The following NEBL variants were observed in gnomAD, a reference collection of about 807,000 sequenced individuals.
NEBL encodes the protein LIM and SH3 protein 2.
Under a neutral mutation model 140.2 loss-of-function variants are expected in NEBL, and 122 were observed. That is an observed-to-expected ratio of 0.87 (90% CI 0.75 to 1.01). NEBL has a LOEUF of 1.01. Ranked by LOEUF, NEBL falls within the 50% of genes least tolerant of loss-of-function variation. The pLI, the probability that NEBL is intolerant of heterozygous loss-of-function variation, is 0.00. For synonymous variants in NEBL, 436 were observed against 398.9 expected (o/e 1.09, Z -1.11); for missense variants, 1,365 against 1,231.3 (o/e 1.11, Z -1.62).
chr10:21,069,852 G>C, intron 2 of NEBL: 1 of 379,892 alleles, frequency 2.6e-6, no homozygotes, highest in Non-Finnish European at 5.2e-6. Context: ...TCACAACATT[G>C]TCTTTTACAG....
chr10:21,194,445 T>G (rs890880958), intron 3 of NEBL, among the ~76,000 whole-genome samples: 31 of 152,238 alleles, frequency 2.0e-4, no homozygotes, highest in Non-Finnish European at 4.6e-4. Context: ...ACTATCTAAC[T>G]GTTCATTTGG....
At chr10:20,869,697 A>C (rs1844716319) in intron 6 of NEBL, 43 bp downstream of exon 6, 2 of 1,389,662 alleles carry the variant, frequency 1.4e-6, no homozygotes, top group Non-Finnish European at 2.0e-6. Context: ...CTCCTACAAA[A>C]GTAAGAAATC....
chr10:21,026,652 G>A (rs2131789676), intron 2 of NEBL, among the ~76,000 whole-genome samples: 1 of 152,298 alleles, frequency 6.6e-6, no homozygotes, highest in Non-Finnish European at 1.5e-5. Context: ...GAGGATCTGA[G>A]AGCAGAATTC....
At chr10:20,978,045 T>C (rs548149059) in intron 3 of NEBL, among the ~76,000 whole-genome samples, 1 of 152,332 alleles carries the variant, frequency 6.6e-6, no homozygotes, top group East Asian at 1.9e-4. Context: ...AAAATCTTTT[T>C]TGTTTATTTA....
At chr10:21,137,732 A>G (rs1190492253) in intron 2 of NEBL, among the ~76,000 whole-genome samples, 1 of 152,110 alleles carries the variant, frequency 6.6e-6, no homozygotes, top group East Asian at 1.9e-4. Flanking sequence ...CAGCAGTTTG[A>G]AACCAGCCTG....
intron 2 of NEBL, chr10:21,112,888 TG>T: frequency 2.9e-6 from 1 of 348,286 alleles, no homozygotes. Flanking sequence ...TTAGTATCTG[TG>T]GAGGAAGATG....
chr10:20,915,500 A>G (rs1165958798), intron 4 of NEBL, among the ~76,000 whole-genome samples: 1 of 150,356 alleles, frequency 6.7e-6, no homozygotes, highest in African/African-American at 2.5e-5. Context: ...GTGAGAATAC[A>G]TGGTGTTTGG....
chr10:20,899,323 G>C, upstream of NEBL: 6 of 1,095,498 alleles, frequency 5.5e-6, no homozygotes, highest in South Asian at 8.1e-5. Context: ...GCTCATATTT[G>C]AGGAGACAGT....
chr10:21,175,367 C>A (rs576753426), upstream of NEBL, among the ~76,000 whole-genome samples: 1 of 152,168 alleles, frequency 6.6e-6, no homozygotes, highest in East Asian at 1.9e-4. Context: ...GGAAGCTCCA[C>A]GGAAGAGTCA....
rs1388534968 is a variant in NEBL, at chr10:20,782,707, C to T, written c.*3040G>A. 6.6e-6 allele frequency: 1 copy of T among 152,174 alleles called. No individual in the cohort carries two copies. 9.4% of individuals were successfully genotyped at this position (152,174 alleles called of 1,614,324 possible). A position where few individuals can be genotyped will look rare whatever the true frequency, so the allele number is the denominator to read the frequency against. On this transcript the variant is annotated 3_prime_UTR_variant, in exon 28 of 28. Coordinates refer to ENST00000377122, the MANE Select transcript of NEBL (RefSeq NM_006393.3). ...GAGACCTGGGATCATCAAGAGCCTC[C>T]TCCATGGGCAGTTGATAACCAAATA...
At chr10:20,999,521 C>T (rs1837802955) in intron 3 of NEBL, among the ~76,000 whole-genome samples, 1 of 152,170 alleles carries the variant, frequency 6.6e-6, no homozygotes, top group African/African-American at 2.4e-5. Context: ...ATCACTTGAG[C>T]CCAGGAGGTT....
chr10:21,272,011 G>A (rs1419895314), intron 1 of NEBL, among the ~76,000 whole-genome samples: 1 of 150,850 alleles, frequency 6.6e-6, no homozygotes, highest in Non-Finnish European at 1.5e-5. Context: ...AGGCTGGAGT[G>A]CAGTGGTGTA....
chr10:21,066,990 T>TTTTTTA (rs1835583387), intron 2 of NEBL, among the ~76,000 whole-genome samples: 2 of 149,906 alleles, frequency 1.3e-5, no homozygotes, highest in South Asian at 2.1e-4. Flanking sequence ...TTTTTTTTTT[T>TTTTTTA]GAGACAGAGT....
intron 2 of NEBL, among the ~76,000 whole-genome samples, chr10:21,042,976 A>G (rs1834338879): frequency 6.6e-6 from 1 of 152,224 alleles, no homozygotes; most frequent in South Asian, 2.1e-4. Context: ...CTTCAAAAAT[A>G]ACATTGCCCA....
intron 2 of NEBL, among the ~76,000 whole-genome samples, chr10:21,083,425 G>T (rs970483523): frequency 6.6e-6 from 1 of 152,072 alleles, no homozygotes. Context: ...CTGTTCAAGG[G>T]GTACACTGAG....
At chr10:21,237,177 CTTTTTT>C (rs1185394584) in intron 3 of NEBL, among the ~76,000 whole-genome samples, 2 of 152,148 alleles carry the variant, frequency 1.3e-5, no homozygotes, top group Admixed American at 6.6e-5. Context: ...TGACATCTTT[CTTTTTT>C]TGTTTGTTTG....
At chr10:21,012,537 TTTG>T (rs982956926) in intron 3 of NEBL, among the ~76,000 whole-genome samples, 18 of 151,832 alleles carry the variant, frequency 1.2e-4, no homozygotes, top group African/African-American at 4.1e-4. Flanking sequence ...TTTATTTTTA[TTTG>T]TTATTTTTTT....
At chr10:20,998,132 G>A (rs1445461587) in intron 3 of NEBL, among the ~76,000 whole-genome samples, 4 of 152,046 alleles carry the variant, frequency 2.6e-5, no homozygotes, top group Admixed American at 6.5e-5. Flanking sequence ...GATACGATAC[G>A]GTATGGAAAT....
chr10:20,951,449 T>C (rs1335014551), intron 4 of NEBL, among the ~76,000 whole-genome samples: 1 of 149,996 alleles, frequency 6.7e-6, no homozygotes, highest in Non-Finnish European at 1.5e-5. Context: ...AAATGCAAAG[T>C]AAATTAGAGA....
Sources: allele counts gnomAD v4.1 joint callset (sites outside exome capture counted in the v4.1 genomes callset), GRCh38; gene constraint gnomAD v4.1.1; transcripts MANE v1.5; gene names NCBI Gene and HGNC (gene_info 2026-07-23, HGNC 2026-07-21).